The following TIAM2 variants were observed in gnomAD, a reference collection of about 807,000 sequenced individuals.
TIAM2 encodes rho guanine nucleotide exchange factor TIAM2.
TIAM2 carries 80 observed loss-of-function variants against 152.9 expected under a neutral mutation model. The ratio of observed to expected loss-of-function variants is 0.52; its 90% CI spans 0.44 to 0.63. The LOEUF (loss-of-function observed/expected upper bound fraction) is 0.63, where lower values mean the gene tolerates loss of function less well. Ranked by LOEUF, TIAM2 falls within the 30% of genes least tolerant of loss-of-function variation. The pLI is 0.00. For synonymous variants in TIAM2, 804 were observed against 838.0 expected, an observed-to-expected ratio of 0.96 and a Z score of 0.70; for missense variants, 1,965 against 2,120.1, an observed-to-expected ratio of 0.93 and a Z score of 1.44.
chr6:155,125,331 A>G (rs1468764718), intron 2 of TIAM2, among the ~76,000 whole-genome samples: 1 of 152,212 alleles, frequency 6.6e-6, no homozygotes, highest in African/African-American at 2.4e-5. Context: ...CAATAAGCAC[A>G]TGAAAAAGAT....
chr6:155,186,934 A>G lies in TIAM2; in HGVS notation c.3064+3434A>G, dbSNP rs1781054639. On this transcript the variant is annotated intron_variant, in intron 14 of 26. Coordinates refer to ENST00000682666, the MANE Select transcript of TIAM2 (RefSeq NM_012454.4). The surrounding 1 kb of genome is among the most constrained non-coding windows in gnomAD (Gnocchi z 4.5). The stretch of plus-strand genomic sequence containing the variant: ...GAAGGCAACCATGTACTTGAAAAGA[A>G]GGAAAGTTCTGTTTGCTTTTCCAGA... Among the ~76,000 whole-genome samples the G allele has an allele frequency of 6.6e-6, 1 of 152,202 alleles. No individual in the cohort carries two copies. Among genetic ancestry groups the G allele is most frequent in the East Asian group, 1.9e-4 (1 of 5,194 alleles).
At chr6:155,021,570 A>G (rs1277798970) in intron 1 of TIAM2, among the ~76,000 whole-genome samples, 2 of 152,016 alleles carry the variant, frequency 1.3e-5, no homozygotes, top group Non-Finnish European at 2.9e-5. Context: ...CCAGAATTCT[A>G]TTTTTAATTC....
At chr6:155,141,094 G>C (rs1583211385) in intron 5 of TIAM2, among the ~76,000 whole-genome samples, 1 of 152,228 alleles carries the variant, frequency 6.6e-6, no homozygotes, top group African/African-American at 2.4e-5. Flanking sequence ...TAGATTTGTA[G>C]TCTTGGCTAG....
rs1426796136 is a variant in TIAM2, at chr6:155,186,632, C to T, written c.3064+3132C>T. Among the ~76,000 whole-genome samples the T allele has an allele frequency of 1.3e-5, 2 of 152,178 alleles. No homozygotes were observed. The highest frequency in any genetic ancestry group is 4.8e-5 in the African/African-American group (2 of 41,444). On this transcript the variant is annotated intron_variant, in intron 14 of 26. Coordinates refer to ENST00000682666, the MANE Select transcript of TIAM2 (RefSeq NM_012454.4). This position sits in a 1 kb window ranked among gnomAD's most constrained non-coding sequence, Gnocchi z 4.5. ...CCTGTCTGTGGCATGTTCAGCCCAGCGTTTCACTTGGCAGGAATTCTGAAA... is the reference window on the plus strand; with the variant it reads ...CCTGTCTGTGGCATGTTCAGCCCAGTGTTTCACTTGGCAGGAATTCTGAAA...
intron 2 of TIAM2, among the ~76,000 whole-genome samples, chr6:155,114,027 TATATATATA>T (rs1236849141): frequency 4.3e-4 from 22 of 50,796 alleles, no homozygotes; most frequent in African/African-American, 1.4e-3. Context: ...TATATATATA[TATATATATA>T]TTTTTTTTTT....
chr6:155,176,747 A>G (rs2115129737), intron 9 of TIAM2, 69 bp from the exon 10 acceptor site: 2 of 1,538,624 alleles, frequency 1.3e-6, no homozygotes, highest in Middle Eastern at 1.7e-4. Flanking sequence ...TGAACAGGAC[A>G]TTTGGCCGGT....
intron 1 of TIAM2, among the ~76,000 whole-genome samples, chr6:155,032,093 A>C (rs916515579): frequency 9.8e-6 from 1 of 101,988 alleles, no homozygotes; most frequent in Non-Finnish European, 2.1e-5. Flanking sequence ...TGAGGGAAAA[A>C]AGGTGGGAGA....
chr6:155,220,398 G>A (rs972597038), intron 15 of TIAM2, among the ~76,000 whole-genome samples: 14 of 152,336 alleles, frequency 9.2e-5, no homozygotes, highest in African/African-American at 3.1e-4. Context: ...AGGGGGACTT[G>A]AGCCTGGCGA....
rs189566081 is a variant in TIAM2, at chr6:155,132,280, T to C, written c.1194+1863T>C. Among the ~76,000 whole-genome samples, 3 of 148,432 alleles carry C rather than the reference T, an allele frequency of 2.0e-5. No individual in the cohort carries two copies. In the Admixed American group the frequency reaches 2.1e-4, roughly 10 times the overall value. On this transcript the variant is annotated intron_variant, in intron 4 of 26. Coordinates refer to ENST00000682666, the MANE Select transcript of TIAM2 (RefSeq NM_012454.4). ...CTAGATAGACATAAAATTATAAAAT[T>C]ATATAGAGATTTAGGGGTGGAAAAT...
intron 1 of TIAM2, among the ~76,000 whole-genome samples, chr6:155,006,287 A>C (rs1778400385): frequency 6.6e-6 from 1 of 152,172 alleles, no homozygotes; most frequent in Non-Finnish European, 1.5e-5. Context: ...ACAAGTAAAG[A>C]AGATGTTTAT....
In TIAM2 at chr6:155,035,467, C is replaced by T. The variant is rs541607011; in HGVS notation, c.-209+39975C>T. Among the ~76,000 whole-genome samples, 183 of 152,176 alleles carry T rather than the reference C, an allele frequency of 1.2e-3. 2 individuals are homozygous for T. In the South Asian group the frequency reaches 0.033, roughly 27 times the overall value. On this transcript the variant is annotated intron_variant, in intron 1 of 26. Coordinates refer to ENST00000682666, the MANE Select transcript of TIAM2 (RefSeq NM_012454.4). ...AATTCTTGACCTCAGACGATCCACC[C>T]GTTTTAGCCTCCCAAAGTTTGGGAT...
intron 14 of TIAM2, among the ~76,000 whole-genome samples, chr6:155,210,821 C>T (rs1020967478): frequency 4.6e-5 from 7 of 152,268 alleles, no homozygotes; most frequent in African/African-American, 1.7e-4. Context: ...GGTAATTTTG[C>T]CTTCACTTAG....
At position 155,129,454 on chromosome 6, in the gene TIAM2, A is replaced by G. The variant is rs780215175; in HGVS notation, c.231A>G (p.Arg77=). 1.3e-5 allele frequency: 21 copies of G among 1,613,966 alleles called. No homozygotes were observed. The highest frequency in any genetic ancestry group is 1.8e-5 in the Non-Finnish European group (21 of 1,179,990). Residue 77 remains arginine, a synonymous_variant, in exon 4 of 27, where the codon AGA becomes AGG. Transcript: ENST00000682666. This position sits in a 1 kb window ranked among gnomAD's most constrained non-coding sequence, Gnocchi z 4.8. ...AGAGTAACCAGCCTTACGCATCGAG[A>G]CTCGGTGGCCCCACATGCAAGGTCT... ...HFKSNQPYAS[R]LGGPTCKVSR... is the part of the protein sequence containing the mutation.
At chr6:155,056,315 G>T (rs1777451329) in intron 1 of TIAM2, among the ~76,000 whole-genome samples, 1 of 151,386 alleles carries the variant, frequency 6.6e-6, no homozygotes, top group African/African-American at 2.4e-5. Flanking sequence ...GGGACTGTCG[G>T]CGCCTACCAC....
chr6:155,017,094 GAGACT>G (rs1778604071), intron 1 of TIAM2, among the ~76,000 whole-genome samples: 1 of 152,084 alleles, frequency 6.6e-6, no homozygotes, highest in Admixed American at 6.6e-5. Flanking sequence ...GGGAAAGTTC[GAGACT>G]AGAATTCCTA....
chr6:155,141,797 C>T (rs570516854), intron 5 of TIAM2, among the ~76,000 whole-genome samples: 1 of 152,282 alleles, frequency 6.6e-6, no homozygotes, highest in African/African-American at 2.4e-5. Flanking sequence ...GATGGGCCAG[C>T]AGCAGGGATG....
Position 155,129,400 on chromosome 6 carries a change from C to A in TIAM2, c.177C>A (p.Ser59=). The part of the protein sequence containing the change: ...GSNGAGYKSR[S]LARSCLSHFK... Reference sequence around the variant, plus strand: ...ACGGAGCAGGTTACAAGTCCAGGTCCCTGGCCCGAAGCTGCCTTTCTCACT... The same window carrying A: ...ACGGAGCAGGTTACAAGTCCAGGTCACTGGCCCGAAGCTGCCTTTCTCACT... The change falls in exon 4 of 27, where the codon TCC becomes TCA. Residue 59 remains serine, a synonymous_variant. Transcript: ENST00000682666. The surrounding 1 kb of genome is among the most constrained non-coding windows in gnomAD (Gnocchi z 4.8). 6.2e-7 allele frequency: 1 copy of A among 1,614,068 alleles called. No individual in the cohort carries two copies. Among genetic ancestry groups the A allele is most frequent in the Non-Finnish European group, 8.5e-7 (1 of 1,180,006 alleles).
At chr6:155,150,756 G>A (rs558075791) in intron 7 of TIAM2, among the ~76,000 whole-genome samples, 1 of 116,616 alleles carries the variant, frequency 8.6e-6, no homozygotes, top group African/African-American at 2.7e-5. Context: ...GTTTCTAGAA[G>A]CATCTTCTTA....
At position 155,186,672 on chromosome 6, in the gene TIAM2, C is replaced by T. The variant is rs1424619166; in HGVS notation, c.3064+3172C>T. On this transcript the variant is annotated intron_variant, in intron 14 of 26. Coordinates refer to ENST00000682666, the MANE Select transcript of TIAM2 (RefSeq NM_012454.4). This position sits in a 1 kb window ranked among gnomAD's most constrained non-coding sequence, Gnocchi z 4.5. ...GAATTCTGAAAACGTGCTTCTCCTC[C>T]TCCTCCCTCGCTTTTGCAGCTTCCT... 1.3e-5 allele frequency among the ~76,000 whole-genome samples: 2 copies of T among 152,172 alleles called. No individual in the cohort carries two copies. Among genetic ancestry groups the T allele is most frequent in the Non-Finnish European group, 2.9e-5 (2 of 68,040 alleles).
Sources: allele counts gnomAD v4.1 joint callset (sites outside exome capture counted in the v4.1 genomes callset), GRCh38; gene constraint gnomAD v4.1.1; non-coding constraint Gnocchi (gnomAD v3.1); transcripts MANE v1.5; gene names NCBI Gene and HGNC (gene_info 2026-07-23, HGNC 2026-07-21).